Variants in ARHGAP6 observed in about 807,000 individuals in gnomAD.
ARHGAP6 encodes the protein Rho GTPase activating protein 6.
In ARHGAP6, 16 loss-of-function variants were observed where a neutral mutation model predicts 55.7. That is an observed-to-expected ratio of 0.29 (90% CI 0.19 to 0.44). The LOEUF is 0.44. ARHGAP6 is among the 20% of genes least tolerant of loss of function. ARHGAP6 has a pLI of 1.00. For missense variants in ARHGAP6, 698 were observed against 808.9 expected (o/e 0.86, Z 1.66); for synonymous variants, 382 against 360.9 (o/e 1.06, Z -0.66).
rs768666596 is a variant in ARHGAP6 at position 11,405,382 on chromosome X, C to T, written c.589-150675G>A. On this transcript the variant is annotated intron_variant, in intron 1 of 12. Coordinates refer to ENST00000337414, the MANE Select transcript of ARHGAP6 (RefSeq NM_013427.3). Reference sequence around the variant, plus strand: ...GGAATGTCTTTTTCCTTCTATAAGACAAATCCATGACGGAAGACACTGCTG... The same window carrying T: ...GGAATGTCTTTTTCCTTCTATAAGATAAATCCATGACGGAAGACACTGCTG... 2.2e-4 allele frequency among the ~76,000 whole-genome samples: 25 copies of T among 112,307 alleles called. No individual in the cohort carries two copies. The South Asian group carries it at 4.1e-3, about 18-fold the overall frequency.
At chrX:11,552,601 G>T (rs530589841) in intron 1 of ARHGAP6, among the ~76,000 whole-genome samples, 1,121 of 34,426 alleles carry the variant, frequency 0.033, no homozygotes, top group African/African-American at 0.038. Flanking sequence ...TATATATATA[G>T]ACACACACAC....
rs187722848 is a variant in ARHGAP6, at chrX:11,389,436, T to C, written c.589-134729A>G. On this transcript the variant is annotated intron_variant, in intron 1 of 12. Transcript: ENST00000337414. ...AAATTATCCTGTGGGTTTACCACAATGAGAGATCAAGGACTGGAGAATTAA... is the reference window on the plus strand; with the variant it reads ...AAATTATCCTGTGGGTTTACCACAACGAGAGATCAAGGACTGGAGAATTAA... 4.9e-3 allele frequency among the ~76,000 whole-genome samples: 547 copies of C among 112,297 alleles called. 3 individuals are homozygous for C. Among genetic ancestry groups the C allele is most frequent in the Non-Finnish European group, 6.9e-3 (368 of 53,181 alleles).
chrX:11,348,111 TAGTC>T (rs1003244612), intron 1 of ARHGAP6, among the ~76,000 whole-genome samples: 7 of 112,362 alleles, frequency 6.2e-5, no homozygotes, highest in East Asian at 2.8e-4. Flanking sequence ...CTCTAGGAGA[TAGTC>T]AGTATCTTAG....
At chrX:11,276,967 C>T (rs1020807494) in intron 1 of ARHGAP6, among the ~76,000 whole-genome samples, 3 of 111,501 alleles carry the variant, frequency 2.7e-5, no homozygotes, top group Admixed American at 9.5e-5. Context: ...TAGTGTACAA[C>T]CATCATCACT....
At chrX:11,365,644 C>T (rs1055514120) in intron 1 of ARHGAP6, among the ~76,000 whole-genome samples, 8 of 112,259 alleles carry the variant, frequency 7.1e-5, no homozygotes, top group South Asian at 3.7e-4. Context: ...GTCATATTCA[C>T]GTTCATTAAA....
intron 1 of ARHGAP6, among the ~76,000 whole-genome samples, chrX:11,274,998 G>A (rs1044194827): frequency 2.7e-5 from 3 of 111,705 alleles, no homozygotes; most frequent in Non-Finnish European, 5.6e-5. Context: ...TTTGGTATGA[G>A]CTACTTATTA....
At chrX:11,340,429 A>G (rs59812797) in intron 1 of ARHGAP6, among the ~76,000 whole-genome samples, 6,320 of 111,463 alleles carry the variant, frequency 0.057, 217 homozygotes, top group African/African-American at 0.12. Context: ...CCTTCTTAAC[A>G]GTGTCTAAAA....
At chrX:11,656,167 G>A (rs769093497) in intron 1 of ARHGAP6, among the ~76,000 whole-genome samples, 19 of 112,360 alleles carry the variant, frequency 1.7e-4, no homozygotes, top group Non-Finnish European at 2.6e-4. Flanking sequence ...AAAGTCCAGC[G>A]AGACTTATTC....
At chrX:11,518,299 C>T (rs1225444638) in intron 1 of ARHGAP6, among the ~76,000 whole-genome samples, 1 of 110,093 alleles carries the variant, frequency 9.1e-6, no homozygotes, top group Non-Finnish European at 1.9e-5. Context: ...TACCACCACA[C>T]TTGGCTATTA....
At chrX:11,541,720 T>C (rs995853954) in intron 1 of ARHGAP6, among the ~76,000 whole-genome samples, 3 of 112,164 alleles carry the variant, frequency 2.7e-5, no homozygotes, top group African/African-American at 9.7e-5. Flanking sequence ...TCAATAAATG[T>C]GAAATCCTAG....
chrX:11,515,091 C>T (rs888003989), intron 1 of ARHGAP6, among the ~76,000 whole-genome samples: 1 of 111,821 alleles, frequency 8.9e-6, no homozygotes, highest in Non-Finnish European at 1.9e-5. Context: ...GGCTCAGCAA[C>T]AGTATGTTGT....
intron 1 of ARHGAP6, chrX:11,266,007 GTGCGTGTGTTTGTA>G: frequency 2.3e-6 from 2 of 882,716 alleles, no homozygotes; most frequent in Middle Eastern, 3.2e-4. Context: ...AAATGAGTGA[GTGCGTGTGTTTGTA>G]TGCGTGTGTG....
rs767311841 is a variant in ARHGAP6, at chrX:11,656,719, CT to C, written c.588+7521del. 3.2e-4 allele frequency among the ~76,000 whole-genome samples: 36 copies of C among 111,314 alleles called. No homozygotes were observed. The South Asian group carries it at 0.014, about 42-fold the overall frequency. On this transcript the variant is annotated intron_variant, in intron 1 of 12. Transcript: ENST00000337414. ...ATCTGACTCTGACCTTCCTGCCTCCCTCTTATAAGGATCCTTGTGATGACAT... is the reference window on the plus strand; with the variant it reads ...ATCTGACTCTGACCTTCCTGCCTCCCCTTATAAGGATCCTTGTGATGACAT...
chrX:11,443,123 T>C (rs2050056937), intron 1 of ARHGAP6, among the ~76,000 whole-genome samples: 1 of 112,238 alleles, frequency 8.9e-6, no homozygotes, highest in Non-Finnish European at 1.9e-5. Context: ...ATATTCTGAC[T>C]TCAAACACCA....
chrX:11,628,773 G>T (rs977966680), intron 1 of ARHGAP6, among the ~76,000 whole-genome samples: 2 of 112,414 alleles, frequency 1.8e-5, no homozygotes, highest in African/African-American at 6.5e-5. Context: ...CCACAAAATG[G>T]ATATAAGAAA....
At chrX:11,485,054 A>T (rs1217867945) in intron 1 of ARHGAP6, among the ~76,000 whole-genome samples, 1 of 111,185 alleles carries the variant, frequency 9.0e-6, no homozygotes, top group Non-Finnish European at 1.9e-5. Context: ...AAAACATATC[A>T]CTCAGGTGTC....
intron 1 of ARHGAP6, among the ~76,000 whole-genome samples, chrX:11,623,668 G>T (rs2052257948): frequency 1.0e-5 from 1 of 98,687 alleles, no homozygotes; most frequent in Non-Finnish European, 2.0e-5. Flanking sequence ...CTGCACTCCA[G>T]CCTGGGCGAC....
At chrX:11,658,918 C>A (rs1281280730) in intron 1 of ARHGAP6, among the ~76,000 whole-genome samples, 1 of 109,790 alleles carries the variant, frequency 9.1e-6, no homozygotes, top group Non-Finnish European at 1.9e-5. Context: ...ACCCACTAGA[C>A]GCCAGTAGCA....
chrX:11,170,526 G>T (rs1317786332), intron 8 of ARHGAP6, among the ~76,000 whole-genome samples: 1 of 111,598 alleles, frequency 9.0e-6, no homozygotes, highest in Non-Finnish European at 1.9e-5. Flanking sequence ...GAACAGAGCA[G>T]AATGGAAATG....
Sources: gnomAD v4.1 joint callset for allele counts (sites outside exome capture counted in the v4.1 genomes callset) on GRCh38, gnomAD v4.1.1 for gene constraint, MANE v1.5 for transcripts, NCBI Gene and HGNC (gene_info 2026-07-23, HGNC 2026-07-21) for gene names.